The following ERMP1 variants were observed in gnomAD, a reference collection of about 807,000 sequenced individuals.
ERMP1 encodes endoplasmic reticulum metallopeptidase 1, also known as Felix-ina.
A neutral mutation model predicts 92.0 loss-of-function variants in ERMP1; 86 were observed. The observed-to-expected ratio is 0.93, with a 90% CI of 0.79 to 1.12. The LOEUF is 1.12. Ranked by LOEUF, ERMP1 falls within the 50% of genes most tolerant of loss-of-function variation. The pLI, the probability that ERMP1 is intolerant of heterozygous loss-of-function variation, is 0.00. For missense variants in ERMP1, 1,342 were observed against 1,116.3 expected, an observed-to-expected ratio of 1.20 and a Z score of -2.88; for synonymous variants, 530 against 412.8, an observed-to-expected ratio of 1.28 and a Z score of -3.44.
intron 4 of ERMP1, among the ~76,000 whole-genome samples, chr9:5,817,699 T>C (rs1482418038): frequency 6.6e-6 from 1 of 152,194 alleles, no homozygotes; most frequent in African/African-American, 2.4e-5. Flanking sequence ...AGTATGGGCA[T>C]GCGTAACGTT....
At chr9:5,851,138 C>T (rs886306832) in intron 6 of ERMP1, among the ~76,000 whole-genome samples, 4 of 152,132 alleles carry the variant, frequency 2.6e-5, no homozygotes, top group African/African-American at 9.7e-5. Flanking sequence ...AGCAAAGCCT[C>T]CAAGATGTTT....
At chr9:5,829,182 G>A (rs1353576509) in intron 2 of ERMP1, among the ~76,000 whole-genome samples, 4 of 145,418 alleles carry the variant, frequency 2.8e-5, no homozygotes, top group South Asian at 4.4e-4. Flanking sequence ...GCCACTGCAT[G>A]CCAGCCTGGT....
chr9:5,860,290 C>CA (rs112752410), intron 5 of ERMP1, among the ~76,000 whole-genome samples: 2,106 of 120,024 alleles, frequency 0.018, 27 homozygotes, highest in African/African-American at 0.046. Flanking sequence ...ACCCTGTTTC[C>CA]AAAAAAAAAA....
chr9:5,840,673 G>C (rs977807083), intron 6 of ERMP1, among the ~76,000 whole-genome samples: 2 of 152,186 alleles, frequency 1.3e-5, no homozygotes, highest in East Asian at 1.9e-4. Flanking sequence ...TGTAACCTGC[G>C]GTGTATCCTC....
At chr9:5,840,788 A>G (rs916749896) in intron 6 of ERMP1, among the ~76,000 whole-genome samples, 1 of 152,176 alleles carries the variant, frequency 6.6e-6, no homozygotes, top group Admixed American at 6.5e-5. Context: ...AGCTGTTGCT[A>G]TTATTCTGTG....
chr9:5,809,979 G>C, intron 8 of ERMP1, 32 bp downstream of exon 8: 1 of 1,453,864 alleles, frequency 6.9e-7, no homozygotes, highest in South Asian at 1.1e-5. Flanking sequence ...GGAGGCAACA[G>C]AAAGAAATCA....
chr9:5,812,930 T>C lies in ERMP1; in HGVS notation c.980A>G (p.Asp327Gly), dbSNP rs1321107652. 1.2e-6 allele frequency: 2 copies of C among 1,613,896 alleles called. No individual in the cohort carries two copies. The highest frequency in any genetic ancestry group is 1.3e-5 in the African/African-American group (1 of 74,898). Residue 327 changes from aspartate to glycine, a missense_variant, in exon 5 of 15, where the codon GAT (aspartate) becomes GGT (glycine). Transcript: ENST00000339450. ...ATCCCTGTAGATACGAAAGTCAGTA[T>C]CTGAAGGAATGATTCCACTCTGAAA... ...EVFQSGIIPS[D>G]TDFRIYRDFG... is the part of the protein sequence containing the mutation.
chr9:5,812,007 C>A (rs1829115127), intron 6 of ERMP1, 118 bp downstream of exon 6: 1 of 644,228 alleles, frequency 1.6e-6, no homozygotes, highest in Non-Finnish European at 2.7e-6. Context: ...AAAGCCCTAG[C>A]TCATTCACAT....
chr9:5,850,877 AG>A (rs1400988653), intron 6 of ERMP1, among the ~76,000 whole-genome samples: 28 of 152,268 alleles, frequency 1.8e-4, no homozygotes, highest in African/African-American at 6.5e-4. Context: ...AGCTCTGAGG[AG>A]GTAGGGCAGG....
intron 11 of ERMP1, among the ~76,000 whole-genome samples, chr9:5,799,850 C>T (rs1419438176): frequency 6.6e-6 from 1 of 152,112 alleles, no homozygotes; most frequent in Non-Finnish European, 1.5e-5. Flanking sequence ...AATTATAAAA[C>T]TTAATACATC....
Position 5,862,105 on chromosome 9 carries a change from C to T in ERMP1, n.3056-2494G>A, listed in dbSNP as rs1401888132. 3.3e-5 allele frequency among the ~76,000 whole-genome samples: 5 copies of T among 152,134 alleles called. No individual in the cohort carries two copies. The East Asian group carries it at 9.6e-4, about 29-fold the overall frequency. On this transcript the variant is annotated intron_variant and non_coding_transcript_variant, in intron 5 of 6. Transcript: ENST00000690753. ...AGCGCAGTGACACAATCATGGCTCA[C>T]TGCGGCCTCTACCTCCTGGGCCCAA... is the stretch of plus-strand genomic sequence containing the variant.
intron 6 of ERMP1, among the ~76,000 whole-genome samples, chr9:5,850,826 T>A (rs907623687): frequency 6.6e-6 from 1 of 152,306 alleles, no homozygotes. Context: ...GCAGCCACCC[T>A]GTAATTCTAC....
At chr9:5,865,366 A>G (rs776126846) in intron 5 of ERMP1, among the ~76,000 whole-genome samples, 3 of 151,912 alleles carry the variant, frequency 2.0e-5, no homozygotes, top group East Asian at 3.9e-4. Flanking sequence ...AAATTAGCTG[A>G]GCGCGGTGGC....
intron 5 of ERMP1, among the ~76,000 whole-genome samples, chr9:5,861,074 C>A (rs1330419408): frequency 1.3e-5 from 2 of 151,912 alleles, no homozygotes; most frequent in Non-Finnish European, 2.9e-5. Flanking sequence ...TATAGCCACA[C>A]AAAATGGACT....
chr9:5,842,737 A>G (rs1468392393), intron 6 of ERMP1, among the ~76,000 whole-genome samples: 1 of 152,206 alleles, frequency 6.6e-6, no homozygotes, highest in East Asian at 1.9e-4. Flanking sequence ...TTGTGATGAT[A>G]ATAAGTGCCT....
Position 5,787,534 on chromosome 9 carries a change from A to T in ERMP1, c.2446T>A (p.Ser816Thr). The T allele has an allele frequency of 6.2e-7, 1 of 1,614,168 alleles. No individual in the cohort carries two copies. The highest frequency in any genetic ancestry group is 8.5e-7 in the Non-Finnish European group (1 of 1,179,990). ...AHKGSTLSQWSLGNGTPVTSK... is the reference protein window; with the variant it reads ...AHKGSTLSQWTLGNGTPVTSK... The stretch of plus-strand genomic sequence containing the variant: ...GTGACTGGGGTGCCATTGCCAAGAG[A>T]CCACTGAGAAAGTGTTGACCCTTTG... Residue 816 changes from serine (S) to threonine (T), a missense_variant, in exon 14 of 15, where the codon TCT becomes ACT. By Grantham distance (58) the Ser-to-Thr change is moderately conservative (BLOSUM62 1). Coordinates refer to ENST00000339450, the MANE Select transcript of ERMP1 (RefSeq NM_024896.3).
intron 6 of ERMP1, among the ~76,000 whole-genome samples, chr9:5,852,272 T>G (rs1293364905): frequency 6.6e-6 from 1 of 151,366 alleles, no homozygotes; most frequent in Non-Finnish European, 1.5e-5. Context: ...GTTTTTTTGT[T>G]TTTTTTTTCC....
intron 6 of ERMP1, among the ~76,000 whole-genome samples, chr9:5,842,171 G>A (rs1830173229): frequency 6.6e-6 from 1 of 152,194 alleles, no homozygotes; most frequent in African/African-American, 2.4e-5. Context: ...GCTGGCTGGG[G>A]TGGCCAGCTT....
intron 5 of ERMP1, among the ~76,000 whole-genome samples, chr9:5,861,201 G>GTGTGTA (rs1830484301): frequency 6.7e-6 from 1 of 149,970 alleles, no homozygotes; most frequent in Non-Finnish European, 1.5e-5. Flanking sequence ...GTGTGTGTGT[G>GTGTGTA]TGTGTGTGTG....
Sources: allele counts gnomAD v4.1 joint callset (sites outside exome capture counted in the v4.1 genomes callset), GRCh38; gene constraint gnomAD v4.1.1; transcripts MANE v1.5; gene names NCBI Gene and HGNC (gene_info 2026-07-23, HGNC 2026-07-21).